KCNH8: variants seen among roughly 807,000 people sequenced by gnomAD.
KCNH8 encodes the protein voltage-gated delayed rectifier potassium channel KCNH8.
In KCNH8, 70 loss-of-function variants were observed where a neutral mutation model predicts 103.6. The ratio of observed to expected loss-of-function variants is 0.68; its 90% CI spans 0.56 to 0.82. The LOEUF is 0.82. Ranked by LOEUF, KCNH8 falls within the 40% of genes least tolerant of loss-of-function variation. The pLI is 0.00. For synonymous variants in KCNH8, 498 were observed against 489.4 expected (o/e 1.02, Z -0.23); for missense variants, 1,217 against 1,329.9 (o/e 0.92, Z 1.32).
intron 11 of KCNH8, among the ~76,000 whole-genome samples, chr3:19,508,721 C>T (rs2068736670): frequency 6.6e-6 from 1 of 152,124 alleles, no homozygotes; most frequent in Non-Finnish European, 1.5e-5. Context: ...GAATTTCAGG[C>T]CCCACCTCAG....
intron 4 of KCNH8, chr3:19,346,639 C>T (rs1478904799): frequency 2.2e-6 from 1 of 456,362 alleles, no homozygotes; most frequent in Non-Finnish European, 4.4e-6. Context: ...CTGAACCTTT[C>T]TTGAATCCTC....
intron 1 of KCNH8, among the ~76,000 whole-genome samples, chr3:19,190,059 A>T (rs753493976): frequency 1.3e-5 from 2 of 151,978 alleles, no homozygotes; most frequent in Non-Finnish European, 2.9e-5. Flanking sequence ...AGGGAGACAA[A>T]ATACCTTTGC....
intron 8 of KCNH8, among the ~76,000 whole-genome samples, chr3:19,441,586 T>C (rs940910994): frequency 7.2e-5 from 11 of 152,300 alleles, no homozygotes; most frequent in Middle Eastern, 3.4e-3. Flanking sequence ...TCTCCTTAAA[T>C]ATGTAAAGGG....
chr3:19,242,657 C>T (rs1298529062), intron 1 of KCNH8, among the ~76,000 whole-genome samples: 1 of 152,062 alleles, frequency 6.6e-6, no homozygotes, highest in Admixed American at 6.6e-5. Context: ...TAATCTGAAC[C>T]CCCTTCCATT....
At chr3:19,248,628 C>T (rs2064237019) in intron 1 of KCNH8, among the ~76,000 whole-genome samples, 1 of 152,150 alleles carries the variant, frequency 6.6e-6, no homozygotes, top group Non-Finnish European at 1.5e-5. Flanking sequence ...AAATAAGTCA[C>T]ATAGACTGAG....
intron 6 of KCNH8, among the ~76,000 whole-genome samples, chr3:19,392,029 T>C (rs1279768880): frequency 1.3e-5 from 2 of 151,562 alleles, no homozygotes; most frequent in African/African-American, 2.4e-5. Flanking sequence ...TAAAAGCGAA[T>C]ACTTTTTTAT....
At chr3:19,262,602 C>T (rs1207853026) in intron 2 of KCNH8, among the ~76,000 whole-genome samples, 4 of 151,946 alleles carry the variant, frequency 2.6e-5, no homozygotes, top group Admixed American at 2.0e-4. Flanking sequence ...ACTTAACATA[C>T]AAATTTCAGA....
At position 19,306,913 on chromosome 3, in the gene KCNH8, C is replaced by A. The variant is rs150014086; in HGVS notation, c.442+25584C>A. Reference sequence around the variant, plus strand: ...ACACATAAACCCCAAATAGCCAAAGCAATCCTGAGCAAAAAAAGAAGAAAC... The same window carrying A: ...ACACATAAACCCCAAATAGCCAAAGAAATCCTGAGCAAAAAAAGAAGAAAC... On this transcript the variant is annotated intron_variant, in intron 3 of 15. Transcript: ENST00000328405. Among the ~76,000 whole-genome samples, 377 of 152,018 alleles carry A rather than the reference C, an allele frequency of 2.5e-3. 1 individual carries two copies. The highest frequency in any genetic ancestry group is 8.2e-3 in the African/African-American group (339 of 41,484).
At chr3:19,314,096 T>C (rs894850348) in intron 3 of KCNH8, among the ~76,000 whole-genome samples, 150 of 152,084 alleles carry the variant, frequency 9.9e-4, no homozygotes, top group African/African-American at 3.5e-3. Context: ...TAAAGCTGGG[T>C]CATCATACTT....
chr3:19,342,992 C>T (rs781073065), intron 4 of KCNH8, among the ~76,000 whole-genome samples: 29 of 152,120 alleles, frequency 1.9e-4, no homozygotes, highest in East Asian at 1.2e-3. Flanking sequence ...CAAATGGGGA[C>T]GCACTGGTTA....
chr3:19,163,612 T>C (rs911506142), intron 1 of KCNH8, among the ~76,000 whole-genome samples: 1 of 152,134 alleles, frequency 6.6e-6, no homozygotes, highest in Non-Finnish European at 1.5e-5. Context: ...TTGATCAAAT[T>C]GACAAAAATT....
intron 11 of KCNH8, among the ~76,000 whole-genome samples, chr3:19,498,865 TG>T (rs1244721495): frequency 1.3e-5 from 2 of 152,012 alleles, no homozygotes; most frequent in Non-Finnish European, 2.9e-5. Context: ...CTGCCCCTGT[TG>T]GGGGGTGCCT....
intron 5 of KCNH8, among the ~76,000 whole-genome samples, chr3:19,375,394 G>A (rs1196654418): frequency 3.3e-5 from 5 of 150,962 alleles, no homozygotes; most frequent in African/African-American, 1.2e-4. Flanking sequence ...CCAGTTGATT[G>A]CATCGGCTCC....
At position 19,270,463 on chromosome 3, in the gene KCNH8, C is replaced by T. The variant is rs78110097; in HGVS notation, c.311-10735C>T. 3.3e-3 allele frequency among the ~76,000 whole-genome samples: 507 copies of T among 152,166 alleles called. 24 individuals carry two copies. In the East Asian group the frequency reaches 0.085, roughly 25 times the overall value. The stretch of plus-strand genomic sequence containing the variant: ...TTGCACAAATTTATTTTTCACAAAA[C>T]GATTTCTGTCTTAGAGCAGGTGTCT... On this transcript the variant is annotated intron_variant, in intron 2 of 15. Coordinates refer to ENST00000328405, the MANE Select transcript of KCNH8 (RefSeq NM_144633.3).
At chr3:19,251,346 A>ATGTATAATTG (rs1298807528) in intron 1 of KCNH8, among the ~76,000 whole-genome samples, 2 of 152,058 alleles carry the variant, frequency 1.3e-5, no homozygotes, top group African/African-American at 4.8e-5. Context: ...CCTCAAAACA[A>ATGTATAATTG]TGTATAATTG....
rs562459132 is a variant in KCNH8 at position 19,281,807 on chromosome 3, C to T, written c.442+478C>T. Among the ~76,000 whole-genome samples the T allele has an allele frequency of 2.6e-5, 4 of 152,170 alleles. No individual in the cohort carries two copies. The South Asian group carries it at 8.3e-4, about 32-fold the overall frequency. ...AGAATGTTGCAAACAAATGTGAATCCTGTACCTTATTGTATATAAGAATAT... is the reference window on the plus strand; with the variant it reads ...AGAATGTTGCAAACAAATGTGAATCTTGTACCTTATTGTATATAAGAATAT... On this transcript the variant is annotated intron_variant, in intron 3 of 15. Transcript: ENST00000328405.
chr3:19,209,221 A>G (rs2063745770), intron 1 of KCNH8, among the ~76,000 whole-genome samples: 1 of 152,060 alleles, frequency 6.6e-6, no homozygotes, highest in South Asian at 2.1e-4. Context: ...AATAGCTTTT[A>G]AAGCATTATG....
At chr3:19,297,118 T>G (rs2065006141) in intron 3 of KCNH8, among the ~76,000 whole-genome samples, 1 of 152,074 alleles carries the variant, frequency 6.6e-6, no homozygotes, top group South Asian at 2.1e-4. Flanking sequence ...TTCAGAGTAA[T>G]GCGAGCATTC....
chr3:19,242,458 C>T (rs1344672315), intron 1 of KCNH8, among the ~76,000 whole-genome samples: 1 of 152,134 alleles, frequency 6.6e-6, no homozygotes, highest in African/African-American at 2.4e-5. Context: ...CCTCTCCAAA[C>T]TTTAAGCTTC....
Sources: allele counts gnomAD v4.1 joint callset (sites outside exome capture counted in the v4.1 genomes callset), GRCh38; gene constraint gnomAD v4.1.1; transcripts MANE v1.5; gene names NCBI Gene and HGNC (gene_info 2026-07-23, HGNC 2026-07-21).